The following MAPK10 variants were observed in gnomAD, a reference collection of about 807,000 sequenced individuals.
MAPK10 encodes mitogen-activated protein kinase 10.
A neutral mutation model predicts 59.3 loss-of-function variants in MAPK10; 25 were observed. That is an observed-to-expected ratio of 0.42 (90% CI 0.31 to 0.59). The LOEUF is 0.59. Among genes scored for constraint, MAPK10 ranks in the 20% least tolerant of loss-of-function variants. The probability of loss-of-function intolerance (pLI) is 0.15; values close to 1 mark genes in which losing one functional copy is unlikely to be tolerated. For synonymous variants in MAPK10, 190 were observed against 200.5 expected, an observed-to-expected ratio of 0.95 and a Z score of 0.44; for missense variants, 351 against 568.9, an observed-to-expected ratio of 0.62 and a Z score of 3.90.
chr4:86,121,478 G>T (rs1044772495), intron 4 of MAPK10, among the ~76,000 whole-genome samples: 1 of 152,064 alleles, frequency 6.6e-6, no homozygotes, highest in African/African-American at 2.4e-5. Context: ...ATTTTGGGGA[G>T]ACACAAAAGA....
chr4:86,184,643 G>A (rs1352448723), intron 3 of MAPK10, among the ~76,000 whole-genome samples: 1 of 152,150 alleles, frequency 6.6e-6, no homozygotes, highest in African/African-American at 2.4e-5. Flanking sequence ...ACTACAGTGA[G>A]TGAGTTCTTA....
chr4:86,237,138 G>A (rs2092315159), intron 2 of MAPK10, among the ~76,000 whole-genome samples: 1 of 152,108 alleles, frequency 6.6e-6, no homozygotes, highest in Non-Finnish European at 1.5e-5. Flanking sequence ...GTGTTAGTTT[G>A]CTGAGGATGA....
intron 2 of MAPK10, among the ~76,000 whole-genome samples, chr4:86,267,725 T>G (rs1041078194): frequency 6.6e-6 from 1 of 152,158 alleles, no homozygotes; most frequent in Admixed American, 6.6e-5. Flanking sequence ...GAAGCTCACA[T>G]GACTGGTACC....
At chr4:86,095,627 C>A (rs2054073361) in intron 9 of MAPK10, 2 of 151,844 alleles carry the variant, frequency 1.3e-5, no homozygotes, top group Admixed American at 1.3e-4. Context: ...AATTCTTCTG[C>A]CGATAAATAA....
At chr4:86,221,962 A>C (rs115574670) in intron 2 of MAPK10, among the ~76,000 whole-genome samples, 12,892 of 152,048 alleles carry the variant, frequency 0.085, 1,208 homozygotes, top group African/African-American at 0.23. Context: ...AAGTACATAG[A>C]ACCTCCCCCT....
At chr4:86,460,231 T>C (rs1392899952) in intron 1 of MAPK10, among the ~76,000 whole-genome samples, 2 of 152,124 alleles carry the variant, frequency 1.3e-5, no homozygotes, top group Non-Finnish European at 2.9e-5. Flanking sequence ...ACTACATAGT[T>C]GGGTATTGAT....
At chr4:86,136,913 C>T (rs1381109727) in intron 4 of MAPK10, among the ~76,000 whole-genome samples, 3 of 152,042 alleles carry the variant, frequency 2.0e-5, no homozygotes, top group African/African-American at 7.3e-5. Context: ...GATTTTAAAC[C>T]AACAAAGATG....
At chr4:86,169,655 G>A (rs1373024259) in intron 3 of MAPK10, among the ~76,000 whole-genome samples, 2 of 151,920 alleles carry the variant, frequency 1.3e-5, no homozygotes, top group African/African-American at 2.4e-5. Context: ...ATATTATCCA[G>A]GAGAACTTCC....
At chr4:86,131,034 T>C (rs1281116864) in intron 4 of MAPK10, among the ~76,000 whole-genome samples, 1 of 152,108 alleles carries the variant, frequency 6.6e-6, no homozygotes, top group African/African-American at 2.4e-5. Flanking sequence ...TAGATCATAA[T>C]ATAAGGCACA....
intron 3 of MAPK10, among the ~76,000 whole-genome samples, chr4:86,174,394 A>G (rs2075179615): frequency 6.6e-6 from 1 of 152,124 alleles, no homozygotes; most frequent in Admixed American, 6.5e-5. Flanking sequence ...GCATGTTCTC[A>G]CTCATAAGTG....
rs543137785 is a variant in MAPK10 at position 86,506,166 on chromosome 4, G to A, written c.-263+87744C>T. Among the ~76,000 whole-genome samples, 494 of 152,128 alleles carry A rather than the reference G, an allele frequency of 3.2e-3. 1 individual carries two copies. The highest frequency in any genetic ancestry group is 3.9e-3 in the Non-Finnish European group (268 of 67,984). On this transcript the variant is annotated intron_variant, in intron 1 of 4. Coordinates refer to the MAPK10 transcript ENST00000502302. ...ATTACATTCCAAAAGAAAGGCAGTC[G>A]GTCATATGAAAATCCAGGAAGGGAA...
At chr4:86,287,324 T>C (rs1048979824) in intron 2 of MAPK10, among the ~76,000 whole-genome samples, 2 of 152,182 alleles carry the variant, frequency 1.3e-5, no homozygotes, top group African/African-American at 4.8e-5. Context: ...TAAGTACATA[T>C]TAATTATGAA....
chr4:86,179,445 A>G (rs182615498), intron 3 of MAPK10, among the ~76,000 whole-genome samples: 2 of 152,240 alleles, frequency 1.3e-5, no homozygotes, highest in African/African-American at 4.8e-5. Flanking sequence ...CAACCTACAC[A>G]TTCAATGTAA....
intron 2 of MAPK10, among the ~76,000 whole-genome samples, chr4:86,266,415 G>C (rs1361022542): frequency 6.6e-6 from 1 of 152,112 alleles, no homozygotes; most frequent in Non-Finnish European, 1.5e-5. Context: ...ATTGCTGTGA[G>C]GTTTGAAGGG....
At chr4:86,382,668 T>G (rs112146871) in intron 1 of MAPK10, among the ~76,000 whole-genome samples, 1,525 of 152,272 alleles carry the variant, frequency 0.01, 19 homozygotes, top group African/African-American at 0.035. Flanking sequence ...AGTCTTTGGG[T>G]TACTAACCAA....
chr4:86,192,720 G>C (rs968136439), intron 3 of MAPK10: 1 of 151,938 alleles, frequency 6.6e-6, no homozygotes, highest in African/African-American at 2.4e-5. Context: ...GTTAGAACAT[G>C]CTCCTTTAGC....
chr4:86,504,073 C>A (rs1435542464), intron 1 of MAPK10, among the ~76,000 whole-genome samples: 1 of 152,042 alleles, frequency 6.6e-6, no homozygotes, highest in Non-Finnish European at 1.5e-5. Flanking sequence ...CCCAGCCTAC[C>A]CAGATAATCC....
chr4:86,562,780 T>C (rs1010662265), intron 1 of MAPK10, among the ~76,000 whole-genome samples: 2 of 152,204 alleles, frequency 1.3e-5, no homozygotes, highest in African/African-American at 4.8e-5. Context: ...CAAATCATTG[T>C]CTAATATACA....
At chr4:86,032,981 A>T (rs1032779719) in intron 11 of MAPK10, among the ~76,000 whole-genome samples, 4 of 151,948 alleles carry the variant, frequency 2.6e-5, no homozygotes, top group East Asian at 1.9e-4. Flanking sequence ...GCAAAATGAG[A>T]CTCTCACACC....
Sources: allele counts gnomAD v4.1 joint callset (sites outside exome capture counted in the v4.1 genomes callset), GRCh38; gene constraint gnomAD v4.1.1; transcripts MANE v1.5; gene names NCBI Gene and HGNC (gene_info 2026-07-23, HGNC 2026-07-21).